CUX1: variants seen among roughly 807,000 people sequenced by gnomAD.
CUX1 encodes the protein protein CASP.
A neutral mutation model predicts 158.8 loss-of-function variants in CUX1; 31 were observed. The ratio of observed to expected loss-of-function variants is 0.20; its 90% CI spans 0.15 to 0.26. The LOEUF (loss-of-function observed/expected upper bound fraction) is 0.26. Among genes scored for constraint, CUX1 ranks in the 10% least tolerant of loss-of-function variants. CUX1 has a pLI of 1.00. For missense variants in CUX1, 1,589 were observed against 2,014.6 expected (o/e 0.79, Z 4.04); for synonymous variants, 879 against 862.1 (o/e 1.02, Z -0.34).
Position 102,257,654 on chromosome 7 carries a change from C to T in CUX1, c.*8612C>T, listed in dbSNP as rs1554542525. 9 of 985,316 alleles carry T rather than the reference C, an allele frequency of 9.1e-6. No homozygotes were observed. Among genetic ancestry groups the T allele is most frequent in the East Asian group, 1.1e-4 (1 of 8,830 alleles). 61.0% of individuals were successfully genotyped at this position (985,316 alleles called of 1,614,324 possible). A position where few individuals can be genotyped will look rare whatever the true frequency, so the allele number is the denominator to read the frequency against. On this transcript the variant is annotated 3_prime_UTR_variant, in exon 24 of 24. Transcript: ENST00000292535. The stretch of plus-strand genomic sequence containing the variant: ...TGTCCAGACTACTAACAGCACAAGA[C>T]GCACTCACAGGGTGGCGGAATCTTC...
At chr7:101,846,222 TC>T (rs1050254931) in intron 1 of CUX1, among the ~76,000 whole-genome samples, 14 of 152,162 alleles carry the variant, frequency 9.2e-5, no homozygotes, top group African/African-American at 3.4e-4. Context: ...AGTTGAGCTC[TC>T]CCAGCATAGA....
intron 21 of CUX1, among the ~76,000 whole-genome samples, chr7:102,282,173 A>C (rs1247629853): frequency 6.6e-6 from 1 of 152,206 alleles, no homozygotes; most frequent in Non-Finnish European, 1.5e-5. Context: ...CACATCTGGG[A>C]CTGGTCCTGA....
At chr7:102,215,104 C>A (rs927718044) in intron 20 of CUX1, among the ~76,000 whole-genome samples, 5 of 152,168 alleles carry the variant, frequency 3.3e-5, no homozygotes, top group Admixed American at 2.0e-4. Context: ...CGCCATCAGG[C>A]CTTCTCATTC....
rs1796918019 is a variant in CUX1, at chr7:102,215,091, C to T, written c.3130+9921C>T. On this transcript the variant is annotated intron_variant, in intron 20 of 23. Coordinates refer to ENST00000292535, the MANE Select transcript of CUX1 (RefSeq NM_181552.4). ...CCCGGGCCCCAGAGGGACACTCCTT[C>T]CTCGCCATCAGGCCTTCTCATTCCA... is the stretch of plus-strand genomic sequence containing the variant. Among the ~76,000 whole-genome samples, 3 of 152,216 alleles carry T rather than the reference C, an allele frequency of 2.0e-5. No homozygotes were observed. The South Asian group carries it at 6.2e-4, about 32-fold the overall frequency.
At position 102,250,593 on chromosome 7, in the gene CUX1, C is replaced by G. The variant is rs782706528; in HGVS notation, c.*1551C>G. On this transcript the variant is annotated 3_prime_UTR_variant, in exon 24 of 24. Coordinates refer to ENST00000292535, the MANE Select transcript of CUX1 (RefSeq NM_181552.4). The stretch of plus-strand genomic sequence containing the variant: ...CACTCCCATCCCTGTAGAAATGGCC[C>G]AAACTCACACCAAAACGTGGATGCT... The G allele has an allele frequency of 1.6e-5, 16 of 985,310 alleles. No individual in the cohort carries two copies. The highest frequency in any genetic ancestry group is 1.9e-5 in the Non-Finnish European group (16 of 829,948). 61.0% of individuals were successfully genotyped at this position (985,310 alleles called of 1,614,324 possible).
At chr7:101,826,710 A>C (rs548797609) in intron 1 of CUX1, among the ~76,000 whole-genome samples, 21 of 152,168 alleles carry the variant, frequency 1.4e-4, no homozygotes, top group African/African-American at 5.1e-4. Context: ...GGGGGCGCCC[A>C]CTGAGTTCTG....
intron 2 of CUX1, among the ~76,000 whole-genome samples, chr7:101,982,937 C>A (rs1813648769): frequency 7.1e-6 from 1 of 141,402 alleles, no homozygotes; most frequent in Non-Finnish European, 1.5e-5. Context: ...CAGTTTTAAT[C>A]AATCCCCTTT....
chr7:102,140,234 TTTTGTTTGTTTG>T (rs564626379), intron 8 of CUX1, among the ~76,000 whole-genome samples: 3 of 152,004 alleles, frequency 2.0e-5, no homozygotes, highest in Admixed American at 6.6e-5. Flanking sequence ...GGGTTTGTTT[TTTTGTTTGTTTG>T]TTTGTTTGTT....
chr7:102,260,308 C>T (rs79891393), downstream of CUX1, among the ~76,000 whole-genome samples: 127,977 of 140,906 alleles, frequency 0.91, 58,432 homozygotes, highest in East Asian at 0.97. Context: ...AGGCTGGTCT[C>T]GAACTCCTGA....
intron 16 of CUX1, chr7:102,274,400 G>C: frequency 4.3e-6 from 5 of 1,172,820 alleles, no homozygotes; most frequent in Non-Finnish European, 6.2e-6. Flanking sequence ...CCAAAGAGTA[G>C]TCCCTTCCTC....
intron 1 of CUX1, among the ~76,000 whole-genome samples, chr7:101,868,327 T>G (rs1366350506): frequency 6.6e-6 from 1 of 152,124 alleles, no homozygotes; most frequent in Non-Finnish European, 1.5e-5. Flanking sequence ...GGAGCTGGCT[T>G]TTGTCCTTTG....
intron 1 of CUX1, among the ~76,000 whole-genome samples, chr7:101,866,470 A>G (rs766882712): frequency 6.6e-6 from 1 of 151,918 alleles, no homozygotes; most frequent in Non-Finnish European, 1.5e-5. Flanking sequence ...CGCTGTCTCA[A>G]CAAGAACAAA....
chr7:102,022,056 A>C (rs1257940558), intron 2 of CUX1, among the ~76,000 whole-genome samples: 1 of 152,032 alleles, frequency 6.6e-6, no homozygotes, highest in Non-Finnish European at 1.5e-5. Context: ...GGATATGGGG[A>C]GTGGAAGAGA....
chr7:101,874,314 A>T (rs1798888391), intron 1 of CUX1, among the ~76,000 whole-genome samples: 1 of 152,214 alleles, frequency 6.6e-6, no homozygotes, highest in Non-Finnish European at 1.5e-5. Context: ...AATATGTCCT[A>T]TTCAATTAAT....
chr7:102,178,329 C>A (rs1792623250), intron 10 of CUX1, 140 bp from the exon 11 acceptor site: 4 of 831,350 alleles, frequency 4.8e-6, no homozygotes, highest in Non-Finnish European at 5.6e-6. Flanking sequence ...GAAGTGCAAG[C>A]AAGGGCAAGA....
At chr7:102,133,882 C>T (rs1165770722) in intron 8 of CUX1, among the ~76,000 whole-genome samples, 2 of 152,168 alleles carry the variant, frequency 1.3e-5, no homozygotes, top group African/African-American at 2.4e-5. Context: ...GACCTCGTTG[C>T]GAGTGGAAAT....
At chr7:101,817,608 C>A (rs1272147108), upstream of CUX1, 17 of 1,537,766 alleles carry the variant, frequency 1.1e-5, no homozygotes, top group Non-Finnish European at 1.4e-5. This position sits in a 1 kb window ranked among gnomAD's most constrained non-coding sequence, Gnocchi z 4.1. Flanking sequence ...GCGCCCGCGG[C>A]GCCGGGACAG....
At chr7:102,103,482 G>T (rs189188099) in intron 5 of CUX1, among the ~76,000 whole-genome samples, 1 of 152,102 alleles carries the variant, frequency 6.6e-6, no homozygotes, top group Admixed American at 6.6e-5. Flanking sequence ...CCAGGTTGGA[G>T]TACAGTGGCG....
chr7:102,214,696 CGGACTGGCCCGAG>C (rs1796876765), intron 20 of CUX1, among the ~76,000 whole-genome samples: 1 of 152,250 alleles, frequency 6.6e-6, no homozygotes, highest in South Asian at 2.1e-4. Flanking sequence ...CAGCCCCATG[CGGACTGGCCCGAG>C]GGACCTGCCC....
Sources: gnomAD v4.1 joint callset for allele counts (sites outside exome capture counted in the v4.1 genomes callset) on GRCh38, gnomAD v4.1.1 for gene constraint, Gnocchi (gnomAD v3.1) non-coding constraint, MANE v1.5 for transcripts, NCBI Gene and HGNC (gene_info 2026-07-23, HGNC 2026-07-21) for gene names.